Variants in DDX1 observed in about 807,000 individuals in gnomAD.
DDX1 encodes the protein ATP-dependent RNA helicase DDX1.
DDX1 carries 28 observed loss-of-function variants against 108.7 expected under a neutral mutation model. The observed-to-expected ratio is 0.26, with a 90% CI of 0.19 to 0.35. The LOEUF (loss-of-function observed/expected upper bound fraction) is 0.35. DDX1 is among the 10% of genes least tolerant of loss of function. The pLI is 1.00. For missense variants in DDX1, 710 were observed against 884.5 expected (o/e 0.80, Z 2.50); for synonymous variants, 295 against 288.9 (o/e 1.02, Z -0.21).
Position 15,606,165 on chromosome 2 carries a change from T to C in DDX1, c.718T>C (p.Phe240Leu), listed in dbSNP as rs1665657703. The C allele has an allele frequency of 3.1e-6, 5 of 1,613,738 alleles. No homozygotes were observed. The highest frequency in any genetic ancestry group is 3.4e-6 in the Non-Finnish European group (4 of 1,179,722). ...ACVLKNAELKFNFGEEEFKFP... is the reference protein window; with the variant it reads ...ACVLKNAELKLNFGEEEFKFP... The stretch of plus-strand genomic sequence containing the variant: ...TCAATGCTAGAATGCTGAACTGAAA[T>C]TTAACTTCGGTGAAGAGGAATTTAA... Residue 240 changes from phenylalanine to leucine, a missense_variant, in exon 12 of 26, where the codon TTT becomes CTT. Physicochemically the swap from Phe to Leu is conservative, Grantham distance 22 (BLOSUM62 0). Coordinates refer to ENST00000233084, the MANE Select transcript of DDX1 (RefSeq NM_004939.3).
chr2:15,609,985 GAGTAC>G (rs1665726528), intron 13 of DDX1, among the ~76,000 whole-genome samples: 2 of 152,224 alleles, frequency 1.3e-5, no homozygotes, highest in South Asian at 4.2e-4. Flanking sequence ...ACCTAGGCTG[GAGTAC>G]AGTGGTGCCT....
chr2:15,604,767 A>T (rs1423389064), intron 10 of DDX1, among the ~76,000 whole-genome samples: 1 of 151,246 alleles, frequency 6.6e-6, no homozygotes, highest in Non-Finnish European at 1.5e-5. Context: ...GGTGGTAGTA[A>T]GTGCTGTGAA....
In DDX1 at chr2:15,626,964, C is replaced by T. The variant is rs114305893; in HGVS notation, c.1595-90C>T. The T allele has an allele frequency of 2.5e-3, 1,797 of 710,902 alleles. 15 individuals are homozygous for T. Among genetic ancestry groups the T allele is most frequent in the African/African-American group, 0.018 (1,024 of 55,954 alleles). The allele number at this position is 710,902 out of a possible 1,614,324, so 44.0% of individuals were successfully genotyped here. On this transcript the variant is annotated intron_variant, in intron 19 of 25. Coordinates refer to ENST00000233084, the MANE Select transcript of DDX1 (RefSeq NM_004939.3). Reference sequence around the variant, plus strand: ...CATAGATTTTTATGGAATTGTGTGGCACTATTGTAGTCTGAATTTTATTGG... The same window carrying T: ...CATAGATTTTTATGGAATTGTGTGGTACTATTGTAGTCTGAATTTTATTGG...
rs767893734 is a variant in DDX1, at chr2:15,618,168, GT to G, written c.1117-10del. ...TGATTAAAAACTTAATTTATTCTTTGTTTCTCATGCAGGATGGGCTTCTTTC... is the reference window on the plus strand; with the variant it reads ...TGATTAAAAACTTAATTTATTCTTTGTTCTCATGCAGGATGGGCTTCTTTC... On this transcript the variant is annotated splice_polypyrimidine_tract_variant and intron_variant, in intron 15 of 25. Coordinates refer to ENST00000233084, the MANE Select transcript of DDX1 (RefSeq NM_004939.3). The G allele has an allele frequency of 6.8e-7, 1 of 1,480,900 alleles. No homozygotes were observed. The highest frequency in any genetic ancestry group is 9.3e-7 in the Non-Finnish European group (1 of 1,075,792). The allele number at this position is 1,480,900 out of a possible 1,614,324, so 91.7% of individuals were successfully genotyped here.
intron 19 of DDX1, among the ~76,000 whole-genome samples, chr2:15,624,608 A>G (rs933641503): frequency 6.6e-6 from 1 of 152,144 alleles, no homozygotes; most frequent in Non-Finnish European, 1.5e-5. Context: ...AACCACCCAC[A>G]TGATTCTATT....
Position 15,618,162 on chromosome 2 carries a change from T to C in DDX1, c.1117-19T>C, listed in dbSNP as rs369236149. 4.6e-4 allele frequency: 671 copies of C among 1,447,824 alleles called. 2 individuals are homozygous for C. In the African/African-American group the frequency reaches 6.4e-3, roughly 14 times the overall value. 89.7% of individuals were successfully genotyped at this position (1,447,824 alleles called of 1,614,324 possible). On this transcript the variant is annotated intron_variant, in intron 15 of 25. Coordinates refer to ENST00000233084, the MANE Select transcript of DDX1 (RefSeq NM_004939.3). ...CCATACTGATTAAAAACTTAATTTA[T>C]TCTTTGTTTCTCATGCAGGATGGGC...
chr2:15,628,955 A>G, intron 23 of DDX1, 116 bp downstream of exon 23: 1 of 946,368 alleles, frequency 1.1e-6, no homozygotes, highest in Non-Finnish European at 1.6e-6. Context: ...TGGAATACAA[A>G]TGAACTTTTT....
chr2:15,599,018 TACTTAA>T (rs1665545113), intron 5 of DDX1: 1 of 152,218 alleles, frequency 6.6e-6, no homozygotes, highest in African/African-American at 2.4e-5. Flanking sequence ...CTTGTTTGGT[TACTTAA>T]ACTTCTTTTT....
chr2:15,628,331 C>T (rs1666132744), intron 20 of DDX1, 114 bp from the exon 21 acceptor site: 1 of 745,408 alleles, frequency 1.3e-6, no homozygotes, highest in Non-Finnish European at 2.3e-6. Flanking sequence ...GACCTCTAAT[C>T]TGATAGTAAC....
intron 14 of DDX1, 130 bp from the exon 15 acceptor site, chr2:15,617,114 T>TTA (rs1665908205): frequency 4.8e-6 from 2 of 416,258 alleles, no homozygotes; most frequent in African/African-American, 4.1e-5. Context: ...TTTTTTTTTT[T>TTA]ATAAATTTAG....
At position 15,605,961 on chromosome 2, in the gene DDX1, G is replaced by A. The variant is rs1174850621; in HGVS notation, c.637G>A (p.Gly213Ser). ...TCTTGTTTTTTAAGGAAAAGATCTT[G>A]GTCTGGCATTTGAAATACCACCACA... ...VKFSKNGKDLGLAFEIPPHMK... is the reference protein window; with the variant it reads ...VKFSKNGKDLSLAFEIPPHMK... Residue 213 changes from glycine (G) to serine (S), a missense_variant, in exon 11 of 26, where the codon GGT becomes AGT. By Grantham distance (56) the Gly-to-Ser change is moderately conservative (BLOSUM62 0). Transcript: ENST00000233084. 13 of 1,571,380 alleles carry A rather than the reference G, an allele frequency of 8.3e-6. No individual in the cohort carries two copies. Among genetic ancestry groups the A allele is most frequent in the Non-Finnish European group, 1.1e-5 (13 of 1,163,338 alleles).
chr2:15,620,074 C>A (rs1187077858), intron 16 of DDX1, 134 bp from the exon 17 acceptor site: 3 of 748,454 alleles, frequency 4.0e-6, no homozygotes, highest in Non-Finnish European at 6.4e-6. Context: ...CTCTAGTTGT[C>A]GCTACATAGA....
chr2:15,630,671 A>T, intron 25 of DDX1, 105 bp from the exon 26 acceptor site: 1 of 1,227,728 alleles, frequency 8.1e-7, no homozygotes, highest in Non-Finnish European at 1.1e-6. Context: ...AGTACATTTT[A>T]TTGCTGCAAG....
chr2:15,601,014 T>C (rs752215779), intron 6 of DDX1, among the ~76,000 whole-genome samples: 1 of 151,948 alleles, frequency 6.6e-6, no homozygotes, highest in Non-Finnish European at 1.5e-5. Flanking sequence ...CCTCATCCCC[T>C]ACCCTTTTAT....
intron 17 of DDX1, 21 bp downstream of exon 17, chr2:15,620,417 A>G: frequency 3.2e-6 from 5 of 1,581,436 alleles, no homozygotes; most frequent in Non-Finnish European, 4.3e-6. Flanking sequence ...TATAATATTA[A>G]CATTTATGTA....
At chr2:15,593,483 A>G (rs1053503690) in intron 1 of DDX1, among the ~76,000 whole-genome samples, 1 of 152,210 alleles carries the variant, frequency 6.6e-6, no homozygotes, top group Non-Finnish European at 1.5e-5. Context: ...TAAAAGTATT[A>G]TACTTAAGGT....
At chr2:15,620,712 C>CCT (rs1435729974) in intron 17 of DDX1, among the ~76,000 whole-genome samples, 1 of 152,062 alleles carries the variant, frequency 6.6e-6, no homozygotes, top group Non-Finnish European at 1.5e-5. Flanking sequence ...TCATCTGTGT[C>CCT]CTCTTGATGT....
At chr2:15,596,660 C>T (rs1282296652) in intron 3 of DDX1, 74 bp from the exon 4 acceptor site, 2 of 1,267,642 alleles carry the variant, frequency 1.6e-6, no homozygotes, top group Non-Finnish European at 2.3e-6. Flanking sequence ...AAGATTTCTA[C>T]ATACTATGGT....
chr2:15,620,286 G>A lies in DDX1; in HGVS notation c.1285G>A (p.Val429Ile), dbSNP rs1266025847. 1 of 1,613,966 alleles carries A rather than the reference G, an allele frequency of 6.2e-7. No homozygotes were observed. Among genetic ancestry groups the A allele is most frequent in the Admixed American group, 1.7e-5 (1 of 60,010 alleles). ...SEKIMHFPTW[V>I]DLKGEDSVPD... ...GAAGATAATGCATTTTCCTACATGGGTTGACTTAAAAGGAGAAGACTCTGT... is the reference window on the plus strand; with the variant it reads ...GAAGATAATGCATTTTCCTACATGGATTGACTTAAAAGGAGAAGACTCTGT... Residue 429 changes from valine (V) to isoleucine (I), a missense_variant, in exon 17 of 26, where the codon GTT (valine) becomes ATT (isoleucine). Physicochemically the swap from Val to Ile is conservative, Grantham distance 29. This residue lies in a region of DDX1 where 661 missense variants were observed against 810.2 expected (regional missense o/e 0.82). Coordinates refer to ENST00000233084, the MANE Select transcript of DDX1 (RefSeq NM_004939.3).
Sources: allele counts gnomAD v4.1 joint callset (sites outside exome capture counted in the v4.1 genomes callset), GRCh38; gene constraint gnomAD v4.1.1; regional missense constraint gnomAD v4.1.1; transcripts MANE v1.5; gene names NCBI Gene and HGNC (gene_info 2026-07-23, HGNC 2026-07-21).